Variants in FOXK2 observed in about 807,000 individuals in gnomAD.
The protein encoded by FOXK2 is forkhead box K2.
A neutral mutation model predicts 53.3 loss-of-function variants in FOXK2; 24 were observed. That is an observed-to-expected ratio of 0.45 (90% CI 0.33 to 0.63). The LOEUF (loss-of-function observed/expected upper bound fraction) is 0.63, where lower values mean the gene tolerates loss of function less well. Among genes scored for constraint, FOXK2 ranks in the 30% least tolerant of loss-of-function variants. FOXK2 has a pLI of 0.03. For synonymous variants in FOXK2, 505 were observed against 407.1 expected (o/e 1.24, Z -2.89); for missense variants, 952 against 910.5 (o/e 1.05, Z -0.59).
At chr17:82,525,804 G>C (rs185791571) in intron 1 of FOXK2, among the ~76,000 whole-genome samples, 1 of 152,178 alleles carries the variant, frequency 6.6e-6, no homozygotes, top group Non-Finnish European at 1.5e-5. Flanking sequence ...ATTTAGAAGA[G>C]TGACCCCTGT....
intron 1 of FOXK2, among the ~76,000 whole-genome samples, chr17:82,543,460 C>T (rs2044593210): frequency 6.6e-6 from 1 of 152,144 alleles, no homozygotes; most frequent in African/African-American, 2.4e-5. Context: ...GTGGGGGTGC[C>T]ACACCCAGGA....
At chr17:82,571,430 G>A (rs796443800) in intron 3 of FOXK2, among the ~76,000 whole-genome samples, 32 of 152,084 alleles carry the variant, frequency 2.1e-4, no homozygotes, top group African/African-American at 7.5e-4. Flanking sequence ...GTGAAACCCC[G>A]TCTCTACTAA....
intron 1 of FOXK2, among the ~76,000 whole-genome samples, chr17:82,532,481 GA>G (rs1169623322): frequency 5.9e-5 from 9 of 151,684 alleles, no homozygotes; most frequent in African/African-American, 2.2e-4. Context: ...TCAGGTAAAA[GA>G]AAAAAATTGT....
chr17:82,596,304 T>G, intron 8 of FOXK2: 1 of 715,012 alleles, frequency 1.4e-6, no homozygotes, highest in African/African-American at 1.9e-5. Flanking sequence ...TTGCCCAGAT[T>G]CTTGGTGGCT....
At chr17:82,523,998 C>T (rs1445458645) in intron 1 of FOXK2, among the ~76,000 whole-genome samples, 1 of 152,154 alleles carries the variant, frequency 6.6e-6, no homozygotes, top group East Asian at 1.9e-4. Context: ...GGATTCAAGC[C>T]ATTCTCCTGC....
chr17:82,568,349 T>C, intron 3 of FOXK2, 148 bp downstream of exon 3: 1 of 957,750 alleles, frequency 1.0e-6, no homozygotes, highest in East Asian at 2.6e-5. Flanking sequence ...CTGGTGTTGC[T>C]GCTGTGTTCT....
chr17:82,546,682 G>C (rs369378677), intron 1 of FOXK2, among the ~76,000 whole-genome samples: 8 of 152,070 alleles, frequency 5.3e-5, no homozygotes, highest in South Asian at 2.1e-4. Flanking sequence ...TGCCCAGGCT[G>C]GTCTTGAACT....
At chr17:82,553,294 G>A (rs930087887) in intron 1 of FOXK2, among the ~76,000 whole-genome samples, 3 of 152,322 alleles carry the variant, frequency 2.0e-5, no homozygotes, top group South Asian at 4.1e-4. Flanking sequence ...TTTCTGAGTC[G>A]CCTGAGTTAT....
chr17:82,583,780 C>T (rs913025257), intron 5 of FOXK2, among the ~76,000 whole-genome samples: 2 of 152,214 alleles, frequency 1.3e-5, no homozygotes, highest in Non-Finnish European at 2.9e-5. Context: ...AGCCGTGCCG[C>T]GTATGTGGGT....
intron 1 of FOXK2, among the ~76,000 whole-genome samples, chr17:82,555,287 G>C (rs997247852): frequency 6.6e-6 from 1 of 152,172 alleles, no homozygotes; most frequent in Non-Finnish European, 1.5e-5. Flanking sequence ...TCATTGCCCT[G>C]CAGCCATGTG....
chr17:82,584,203 G>A lies in FOXK2; in HGVS notation c.1279+15G>A. 1 of 1,574,126 alleles carries A rather than the reference G, an allele frequency of 6.4e-7. No individual in the cohort carries two copies. On this transcript the variant is annotated intron_variant, in intron 6 of 8. Coordinates refer to ENST00000335255, the MANE Select transcript of FOXK2 (RefSeq NM_004514.4). Reference sequence around the variant, plus strand: ...GAGCGCCCCAGGTGAGACAGCGGGAGAGGAAGCGAGGGCCCCAACAGCGTG... The same window carrying A: ...GAGCGCCCCAGGTGAGACAGCGGGAAAGGAAGCGAGGGCCCCAACAGCGTG...
intron 1 of FOXK2, among the ~76,000 whole-genome samples, chr17:82,527,489 C>A (rs2044429903): frequency 6.6e-6 from 1 of 152,008 alleles, no homozygotes; most frequent in South Asian, 2.1e-4. Context: ...ATTAACTGGG[C>A]ATGGTGGCGG....
At chr17:82,579,531 ATGT>A in intron 4 of FOXK2, among the ~76,000 whole-genome samples, 1 of 138,936 alleles carries the variant, frequency 7.2e-6, no homozygotes. Context: ...CCTCCTCTCC[ATGT>A]CACCCATGAA....
chr17:82,601,115 CCG>C, intron 8 of FOXK2, 186 bp from the exon 9 acceptor site: 1 of 612,598 alleles, frequency 1.6e-6, no homozygotes. Flanking sequence ...CCCTTGGCCA[CCG>C]TGGGCCAGTC....
chr17:82,525,980 C>CACTTTCTTATGTGGCCTGAATCCCAT (rs1368373304), intron 1 of FOXK2, among the ~76,000 whole-genome samples: 2 of 152,186 alleles, frequency 1.3e-5, no homozygotes, highest in Non-Finnish European at 2.9e-5. Context: ...CTGAATCCCA[C>CACTTTCTTATGTGGCCTGAATCCCAT]ACTTTCTTAT....
At chr17:82,574,602 G>A (rs953103122) in intron 4 of FOXK2, among the ~76,000 whole-genome samples, 37 of 152,132 alleles carry the variant, frequency 2.4e-4, no homozygotes, top group African/African-American at 8.2e-4. Context: ...TTACAGGCGT[G>A]AGCCACCGCG....
chr17:82,574,382 G>A (rs2044958121), intron 4 of FOXK2, among the ~76,000 whole-genome samples: 2 of 150,626 alleles, frequency 1.3e-5, no homozygotes, highest in African/African-American at 2.4e-5. Flanking sequence ...GTGCAATGGC[G>A]CGATCTCGGC....
chr17:82,568,916 C>T (rs756551369), intron 3 of FOXK2, among the ~76,000 whole-genome samples: 2 of 152,084 alleles, frequency 1.3e-5, no homozygotes, highest in African/African-American at 2.4e-5. Context: ...GAGGCTGAGG[C>T]GGGAGAATCA....
chr17:82,574,070 A>C (rs2044953642), intron 4 of FOXK2, among the ~76,000 whole-genome samples: 1 of 152,242 alleles, frequency 6.6e-6, no homozygotes, highest in African/African-American at 2.4e-5. Context: ...AGGTGCCTGC[A>C]CAGCTCACGT....
Sources: allele counts gnomAD v4.1 joint callset (sites outside exome capture counted in the v4.1 genomes callset), GRCh38; gene constraint gnomAD v4.1.1; transcripts MANE v1.5; gene names NCBI Gene and HGNC (gene_info 2026-07-23, HGNC 2026-07-21).